The following DOCK2 variants were observed in gnomAD, a reference collection of about 807,000 sequenced individuals.
DOCK2 encodes the protein dedicator of cytokinesis protein 2.
DOCK2 carries 87 observed loss-of-function variants against 248.9 expected under a neutral mutation model. The observed-to-expected ratio is 0.35, with a 90% CI of 0.29 to 0.42. The LOEUF is 0.42. Among genes scored for constraint, DOCK2 ranks in the 10% least tolerant of loss-of-function variants. The pLI, the probability that DOCK2 is intolerant of heterozygous loss-of-function variation, is 1.00. For synonymous variants in DOCK2, 805 were observed against 821.6 expected, an observed-to-expected ratio of 0.98 and a Z score of 0.35; for missense variants, 1,747 against 2,300.2, an observed-to-expected ratio of 0.76 and a Z score of 4.92.
intron 6 of DOCK2, among the ~76,000 whole-genome samples, chr5:169,675,878 C>T (rs2113319852): frequency 6.6e-6 from 1 of 152,336 alleles, no homozygotes; most frequent in African/African-American, 2.4e-5. Context: ...ATCCCAGGAA[C>T]ACAGTCCCTC....
At chr5:170,059,348 T>G (rs1222807552) in intron 44 of DOCK2, among the ~76,000 whole-genome samples, 1 of 152,140 alleles carries the variant, frequency 6.6e-6, no homozygotes, top group African/African-American at 2.4e-5. Flanking sequence ...TGAGCCCTAT[T>G]TAGGAGGTAA....
intron 27 of DOCK2, among the ~76,000 whole-genome samples, chr5:169,846,149 C>A (rs73801661): frequency 0.03 from 4,520 of 152,186 alleles, 236 homozygotes; most frequent in African/African-American, 0.1. Flanking sequence ...GTGGTAAACA[C>A]CATAAATGTC....
chr5:169,952,211 C>T (rs1776690354), intron 27 of DOCK2, among the ~76,000 whole-genome samples: 1 of 152,164 alleles, frequency 6.6e-6, no homozygotes, highest in Non-Finnish European at 1.5e-5. Flanking sequence ...TCACTCTAAC[C>T]GAGCTTTTTT....
At chr5:170,025,784 T>TTCCCTCCCTCCC (rs1205163718) in intron 33 of DOCK2, among the ~76,000 whole-genome samples, 1 of 37,492 alleles carries the variant, frequency 2.7e-5, no homozygotes, top group African/African-American at 8.0e-5. Context: ...CCCTCCCTCC[T>TTCCCTCCCTCCC]TCCCTCCCTT....
At chr5:170,008,846 C>G in intron 32 of DOCK2, 100 bp downstream of exon 32, 1 of 1,358,218 alleles carries the variant, frequency 7.4e-7, no homozygotes, top group Non-Finnish European at 1.1e-6. Context: ...GCAGTGGGAG[C>G]ATGAAATAAC....
chr5:169,702,538 G>A, intron 14 of DOCK2, 111 bp downstream of exon 14: 1 of 1,523,862 alleles, frequency 6.6e-7, no homozygotes, highest in South Asian at 1.3e-5. Context: ...AGGTGCCTTT[G>A]GGATGGTGTT....
chr5:169,918,334 C>A (rs1008757512), intron 27 of DOCK2, among the ~76,000 whole-genome samples: 1 of 152,122 alleles, frequency 6.6e-6, no homozygotes, highest in African/African-American at 2.4e-5. Context: ...TATAACCCAG[C>A]GATTCTTCTG....
At chr5:169,851,919 G>A (rs1357711993) in intron 27 of DOCK2, among the ~76,000 whole-genome samples, 1 of 152,132 alleles carries the variant, frequency 6.6e-6, no homozygotes. Context: ...GGGGATTATG[G>A]GGATTACAAT....
At chr5:170,004,914 T>C (rs1479847466) in intron 30 of DOCK2, among the ~76,000 whole-genome samples, 1 of 109,310 alleles carries the variant, frequency 9.1e-6, no homozygotes, top group East Asian at 3.0e-4. Flanking sequence ...CTGGGGACTG[T>C]GGTGGGGTGG....
intron 27 of DOCK2, among the ~76,000 whole-genome samples, chr5:169,907,715 G>A (rs893856590): frequency 2.6e-5 from 4 of 152,178 alleles, no homozygotes; most frequent in Admixed American, 1.3e-4. Flanking sequence ...AATGAACCAG[G>A]CCTGACTTTC....
At chr5:169,637,797 T>C (rs1756912711) in intron 1 of DOCK2, among the ~76,000 whole-genome samples, 1 of 152,086 alleles carries the variant, frequency 6.6e-6, no homozygotes, top group Non-Finnish European at 1.5e-5. Context: ...CGACACCCAT[T>C]TGCCTGCTTC....
chr5:169,840,704 T>C, intron 26 of DOCK2, 53 bp from the exon 27 acceptor site: 2 of 1,552,664 alleles, frequency 1.3e-6, no homozygotes, highest in Non-Finnish European at 1.8e-6. Context: ...TTTGTACAAT[T>C]GTTCAGATGC....
chr5:169,639,865 C>G (rs535956266), intron 1 of DOCK2, among the ~76,000 whole-genome samples: 6 of 152,322 alleles, frequency 3.9e-5, no homozygotes, highest in African/African-American at 1.2e-4. Flanking sequence ...TTTGCTCAGG[C>G]TGCTGTAGCA....
chr5:170,000,101 T>C (rs1475037536), intron 30 of DOCK2: 1 of 152,218 alleles, frequency 6.6e-6, no homozygotes, highest in Admixed American at 6.5e-5. Flanking sequence ...AGAGAGGATT[T>C]CAAATTCAAA....
chr5:169,838,281 C>G (rs778894896), intron 26 of DOCK2, among the ~76,000 whole-genome samples: 4 of 152,158 alleles, frequency 2.6e-5, no homozygotes, highest in Non-Finnish European at 5.9e-5. Context: ...ACTCTGGAGA[C>G]AGGCTGCTGG....
At chr5:169,972,514 A>C (rs898093717) in intron 27 of DOCK2, among the ~76,000 whole-genome samples, 29 of 151,754 alleles carry the variant, frequency 1.9e-4, no homozygotes, top group African/African-American at 6.8e-4. Flanking sequence ...GAGGGACAAA[A>C]TTGCCCCAGT....
chr5:169,849,473 G>T (rs140618458), intron 27 of DOCK2, among the ~76,000 whole-genome samples: 67 of 152,334 alleles, frequency 4.4e-4, no homozygotes, highest in African/African-American at 1.5e-3. Context: ...TAATAATTGA[G>T]CACTTTGAAC....
intron 23 of DOCK2, among the ~76,000 whole-genome samples, chr5:169,756,755 A>G (rs1006494250): frequency 4.6e-5 from 7 of 152,190 alleles, no homozygotes; most frequent in Middle Eastern, 3.4e-3. Flanking sequence ...GTGAAACCCC[A>G]TCTCAACTAA....
rs1351004423 is a variant in DOCK2 at position 169,748,167 on chromosome 5, G to C, written c.2376+663G>C. Reference sequence around the variant, plus strand: ...CAATGAGTTAATGCAGATTGCTGCTGCTTTTTTTTTTTAAATCAATATTAT... The same window carrying C: ...CAATGAGTTAATGCAGATTGCTGCTCCTTTTTTTTTTTAAATCAATATTAT... On this transcript the variant is annotated intron_variant, in intron 23 of 51. Transcript: ENST00000520908. Among the ~76,000 whole-genome samples the C allele has an allele frequency of 2.5e-5, 3 of 121,060 alleles. No homozygotes were observed. In the Admixed American group the frequency reaches 2.6e-4, roughly 11 times the overall value. The allele number at this position is 121,060 out of a possible 152,430, so 79.4% of individuals were successfully genotyped here.
Sources: allele counts gnomAD v4.1 joint callset (sites outside exome capture counted in the v4.1 genomes callset), GRCh38; gene constraint gnomAD v4.1.1; transcripts MANE v1.5; gene names NCBI Gene and HGNC (gene_info 2026-07-23, HGNC 2026-07-21).